RBMX: variants seen among roughly 807,000 people sequenced by gnomAD.
RBMX encodes RNA binding motif protein X-linked.
RBMX carries 1 observed loss-of-function variant against 29.3 expected under a neutral mutation model. The ratio of observed to expected loss-of-function variants is 0.03; its 90% CI spans 0.01 to 0.16. RBMX has a LOEUF of 0.16. Among genes scored for constraint, RBMX ranks in the 10% least tolerant of loss-of-function variants. The pLI, the probability that RBMX is intolerant of heterozygous loss-of-function variation, is 1.00. For missense variants in RBMX, 121 were observed against 333.2 expected, an observed-to-expected ratio of 0.36 and a Z score of 4.96; for synonymous variants, 102 against 102.3, an observed-to-expected ratio of 1.00 and a Z score of 0.02.
In RBMX at chrX:136,880,672, G is replaced by T; in HGVS notation, c.-102C>A. ...TCCTAGCAGCTCAGCACCAGTGGCG[G>T]CTGCCGGGTGCGAGGACCGAACCGC... On this transcript the variant is annotated 5_prime_UTR_variant, in exon 1 of 9. Transcript: ENST00000320676. 8.0e-6 allele frequency: 1 copy of T among 124,882 alleles called. No homozygotes were observed. The allele number at this position is 124,882 out of a possible 1,213,427, so 10.3% of individuals were successfully genotyped here. A position where few individuals can be genotyped will look rare whatever the true frequency, so the allele number is the denominator to read the frequency against.
chrX:136,877,385 A>T (rs2077744335), intron 4 of RBMX, among the ~76,000 whole-genome samples: 1 of 90,258 alleles, frequency 1.1e-5, no homozygotes, highest in African/African-American at 4.1e-5. Context: ...TTTCACTTGT[A>T]CTTGATGGAG....
chrX:136,875,807 T>G (rs5974637), intron 5 of RBMX, among the ~76,000 whole-genome samples: 1,813 of 98,709 alleles, frequency 0.018, 36 homozygotes, highest in African/African-American at 0.066. Context: ...AAAAGTTTTG[T>G]TTTTTTTTTT....
intron 3 of RBMX, 35 bp downstream of exon 3, chrX:136,878,982 T>C (rs1341926291): frequency 1.7e-6 from 2 of 1,202,956 alleles, no homozygotes; most frequent in Admixed American, 2.2e-5. Flanking sequence ...TATGCACTAG[T>C]AACAGGTTAT....
downstream of RBMX, chrX:136,872,864 C>G (rs2077693019): frequency 9.0e-6 from 1 of 110,759 alleles, no homozygotes; most frequent in African/African-American, 3.3e-5. Context: ...AGGGGGACCC[C>G]AAACTTAAGC....
chrX:136,876,675 GA>G lies in RBMX; in HGVS notation c.389-21del. 9.3e-7 allele frequency: 1 copy of G among 1,078,983 alleles called. No individual in the cohort carries two copies. The highest frequency in any genetic ancestry group is 1.2e-6 in the Non-Finnish European group (1 of 809,683). 88.9% of individuals were successfully genotyped at this position (1,078,983 alleles called of 1,213,427 possible). On this transcript the variant is annotated intron_variant, in intron 4 of 8. Coordinates refer to ENST00000320676, the MANE Select transcript of RBMX (RefSeq NM_002139.4). ...CGTCATCTGCATCAAAAATAGAAAA[GA>G]AAAATATTACTACTCACAAGAATCA...
At chrX:136,872,254 C>T (rs1298078385), downstream of RBMX, 5 of 1,125,923 alleles carry the variant, frequency 4.4e-6, no homozygotes, top group Non-Finnish European at 2.4e-6. Flanking sequence ...AAGGCCATTG[C>T]TTTCAACACT....
chrX:136,877,060 C>T (rs1229926753), intron 4 of RBMX, among the ~76,000 whole-genome samples: 2 of 108,378 alleles, frequency 1.8e-5, no homozygotes, highest in Non-Finnish European at 3.8e-5. Context: ...ATTATTGGGC[C>T]GGGCACAATG....
At chrX:136,878,193 TG>T in intron 3 of RBMX, 107 bp from the exon 4 acceptor site, 1 of 691,936 alleles carries the variant, frequency 1.4e-6, no homozygotes, top group Non-Finnish European at 2.0e-6. Flanking sequence ...TATGGGTAAG[TG>T]TTGCTCATTA....
At chrX:136,878,172 C>A in intron 3 of RBMX, 86 bp from the exon 4 acceptor site, 1 of 833,227 alleles carries the variant, frequency 1.2e-6, no homozygotes, top group Non-Finnish European at 1.6e-6. Flanking sequence ...ACTGGTCCTT[C>A]AAAATGCAGT....
intron 5 of RBMX, among the ~76,000 whole-genome samples, chrX:136,875,867 T>C (rs1475106242): frequency 1.8e-5 from 2 of 109,056 alleles, no homozygotes; most frequent in Admixed American, 9.9e-5. Context: ...AGTCGCGCAA[T>C]CTTGGCTCAC....
intron 3 of RBMX, among the ~76,000 whole-genome samples, chrX:136,878,812 A>AT (rs1326629392): frequency 1.3e-4 from 14 of 110,033 alleles, no homozygotes; most frequent in African/African-American, 2.0e-4. Flanking sequence ...TGTTACGAGC[A>AT]TAAGATATAA....
At chrX:136,873,079 A>C (rs968050551), downstream of RBMX, 1 of 109,966 alleles carries the variant, frequency 9.1e-6, no homozygotes, top group African/African-American at 3.3e-5. Context: ...CCAAGTGTTG[A>C]ATTTGGAGGA....
downstream of RBMX, among the ~76,000 whole-genome samples, chrX:136,870,765 G>A (rs1273394847): frequency 2.0e-5 from 2 of 98,200 alleles, no homozygotes; most frequent in African/African-American, 7.6e-5. Flanking sequence ...CTGAGAGGCA[G>A]TGAGTTGAGA....
At chrX:136,878,148 G>A in intron 3 of RBMX, 62 bp from the exon 4 acceptor site, 1 of 962,989 alleles carries the variant, frequency 1.0e-6, no homozygotes. Flanking sequence ...CATCTACTAT[G>A]CACTAAGACA....
chrX:136,877,878 CTT>C (rs779345947), intron 4 of RBMX, 35 bp downstream of exon 4: 65 of 1,130,649 alleles, frequency 5.7e-5, no homozygotes, highest in Non-Finnish European at 7.2e-5. Context: ...CAGTCCCTAA[CTT>C]ATACACCAAA....
chrX:136,873,216 T>TA (rs1603365958), downstream of RBMX: 2 of 116,574 alleles, frequency 1.7e-5, no homozygotes, highest in Non-Finnish European at 1.7e-5. Flanking sequence ...AATTTCGACT[T>TA]AGACGGAAAA....
At chrX:136,872,385 A>C (rs1431129504), downstream of RBMX, 29 of 1,118,675 alleles carry the variant, frequency 2.6e-5, no homozygotes, top group African/African-American at 3.6e-5. Context: ...TATCTCTCTT[A>C]AGGAAATTCT....
chrX:136,870,495 A>C (rs1432817003), downstream of RBMX: 1 of 112,756 alleles, frequency 8.9e-6, no homozygotes, highest in African/African-American at 3.2e-5. Flanking sequence ...ACTATCATTT[A>C]AATATATACT....
At chrX:136,875,690 A>G in intron 5 of RBMX, 105 bp from the exon 6 acceptor site, 1 of 1,028,725 alleles carries the variant, frequency 9.7e-7, no homozygotes, top group Non-Finnish European at 1.3e-6. Flanking sequence ...CAAAGATGAC[A>G]TTACGGAGGC....
Sources: gnomAD v4.1 joint callset for allele counts (sites outside exome capture counted in the v4.1 genomes callset) on GRCh38, gnomAD v4.1.1 for gene constraint, MANE v1.5 for transcripts, NCBI Gene and HGNC (gene_info 2026-07-23, HGNC 2026-07-21) for gene names.